LINGO2: variants seen among roughly 807,000 people sequenced by gnomAD.
LINGO2 encodes the protein leucine-rich repeat and immunoglobulin-like domain-containing nogo receptor-interacting protein 2.
A neutral mutation model predicts 30.6 loss-of-function variants in LINGO2; 14 were observed. The observed-to-expected ratio is 0.46, with a 90% CI of 0.30 to 0.72. LINGO2 has a LOEUF of 0.72. Ranked by LOEUF, LINGO2 falls within the 30% of genes least tolerant of loss-of-function variation. The pLI is 0.07. For synonymous variants in LINGO2, 317 were observed against 288.5 expected, an observed-to-expected ratio of 1.10 and a Z score of -1.00; for missense variants, 729 against 751.7, an observed-to-expected ratio of 0.97 and a Z score of 0.35.
intron 5 of LINGO2, among the ~76,000 whole-genome samples, chr9:28,006,328 A>G (rs927361412): frequency 9.3e-6 from 1 of 107,322 alleles, no homozygotes; most frequent in African/African-American, 3.7e-5. Flanking sequence ...ATCCTTACCT[A>G]AGATTAAAAA....
At chr9:28,901,963 G>A in the LINGO2 span, among the ~76,000 whole-genome samples, 1 of 152,076 alleles carries the variant, frequency 6.6e-6, no homozygotes, top group African/African-American at 2.4e-5. Context: ...GCCAAAGCAG[G>A]AGGATCACTT....
chr9:28,609,232 A>G (rs10118173), intron 1 of LINGO2, among the ~76,000 whole-genome samples: 148,150 of 151,014 alleles, frequency 0.98, 72,711 homozygotes, highest in East Asian at 1. Flanking sequence ...ATCTTTGGTT[A>G]GGTATGTCCT....
chr9:28,559,041 T>C (rs948835893), intron 1 of LINGO2, among the ~76,000 whole-genome samples: 3 of 152,132 alleles, frequency 2.0e-5, no homozygotes, highest in Admixed American at 6.6e-5. Context: ...AGGTCCACTA[T>C]TAAATATAAG....
chr9:27,969,691 T>C (rs1417402256), intron 5 of LINGO2, among the ~76,000 whole-genome samples: 2 of 151,922 alleles, frequency 1.3e-5, no homozygotes, highest in East Asian at 3.9e-4. Context: ...AAAGTCCTAG[T>C]TACTCTAGTA....
At chr9:28,966,230 T>C in the LINGO2 span, among the ~76,000 whole-genome samples, 2 of 152,052 alleles carry the variant, frequency 1.3e-5, no homozygotes, top group African/African-American at 4.8e-5. Flanking sequence ...AAAGCAGAGA[T>C]TAGAACAAAA....
rs371490425 is a variant in LINGO2 at position 28,067,030 on chromosome 9, C to T, written c.-86-54625G>A. Among the ~76,000 whole-genome samples the T allele has an allele frequency of 2.1e-4, 32 of 152,128 alleles. No individual in the cohort carries two copies. In the South Asian group the frequency reaches 5.2e-3, roughly 25 times the overall value. On this transcript the variant is annotated intron_variant, in intron 4 of 5. Coordinates refer to ENST00000379992, the Ensembl canonical transcript of LINGO2. Reference sequence around the variant, plus strand: ...ATAATTTAGGCCTCTCTACTCACCTCGTTATTTGCTTAATAAGTAATATCT... The same window carrying T: ...ATAATTTAGGCCTCTCTACTCACCTTGTTATTTGCTTAATAAGTAATATCT...
At chr9:28,786,017 A>T in the LINGO2 span, among the ~76,000 whole-genome samples, 3 of 152,212 alleles carry the variant, frequency 2.0e-5, no homozygotes, top group African/African-American at 7.2e-5. Flanking sequence ...TCTTACAAGA[A>T]TTCACAAATG....
intron 1 of LINGO2, among the ~76,000 whole-genome samples, chr9:28,622,052 G>A (rs1049153241): frequency 1.3e-5 from 2 of 151,974 alleles, no homozygotes; most frequent in Admixed American, 6.6e-5. Context: ...CTTACTAGGT[G>A]CATATATGTA....
the LINGO2 span, among the ~76,000 whole-genome samples, chr9:29,103,618 A>G: frequency 1.3e-5 from 2 of 152,180 alleles, no homozygotes; most frequent in African/African-American, 4.8e-5. Flanking sequence ...TAGAATCAAT[A>G]TGTGGAATAA....
At chr9:28,770,723 C>T in the LINGO2 span, among the ~76,000 whole-genome samples, 6 of 152,138 alleles carry the variant, frequency 3.9e-5, no homozygotes, top group East Asian at 1.2e-3. Flanking sequence ...CAAAAACACA[C>T]AGGTTAATAT....
the LINGO2 span, among the ~76,000 whole-genome samples, chr9:28,866,496 C>G: frequency 1.3e-5 from 2 of 152,028 alleles, no homozygotes. Flanking sequence ...AGCATAAACC[C>G]TATAATCAAT....
At chr9:27,964,091 CA>C (rs1177256427) in intron 5 of LINGO2, among the ~76,000 whole-genome samples, 1 of 151,966 alleles carries the variant, frequency 6.6e-6, no homozygotes, top group East Asian at 1.9e-4. Context: ...TCCTCCAAAC[CA>C]TTGCATTTTT....
intron 5 of LINGO2, among the ~76,000 whole-genome samples, chr9:28,007,608 C>A (rs1019720484): frequency 6.6e-6 from 1 of 152,100 alleles, no homozygotes; most frequent in African/African-American, 2.4e-5. Context: ...GATGCCCTGA[C>A]AAATAAAACA....
At chr9:28,207,409 CA>C (rs1467221944) in intron 4 of LINGO2, among the ~76,000 whole-genome samples, 3 of 152,112 alleles carry the variant, frequency 2.0e-5, no homozygotes, top group African/African-American at 7.2e-5. Context: ...GGATTTTAGA[CA>C]GGCTAATTAA....
At chr9:28,480,084 A>G (rs1253394018) in intron 1 of LINGO2, among the ~76,000 whole-genome samples, 1 of 150,948 alleles carries the variant, frequency 6.6e-6, no homozygotes. Context: ...ATTTACGTTT[A>G]CAAGGAGTTG....
At chr9:28,742,759 CTG>C in the LINGO2 span, among the ~76,000 whole-genome samples, 1 of 151,672 alleles carries the variant, frequency 6.6e-6, no homozygotes. Flanking sequence ...TTAACCTTTT[CTG>C]GTTCTCTTAG....
At chr9:28,218,205 AAAC>A (rs1315683877) in intron 4 of LINGO2, among the ~76,000 whole-genome samples, 14 of 150,838 alleles carry the variant, frequency 9.3e-5, no homozygotes, top group Middle Eastern at 6.5e-3. Context: ...AAATAATATC[AAAC>A]AATAATATAG....
At chr9:28,665,042 A>G (rs1283771219) in intron 1 of LINGO2, among the ~76,000 whole-genome samples, 1 of 107,826 alleles carries the variant, frequency 9.3e-6, no homozygotes, top group African/African-American at 2.8e-5. Flanking sequence ...TATATATGTT[A>G]TAAGCGAACA....
the LINGO2 span, among the ~76,000 whole-genome samples, chr9:28,810,745 A>C: frequency 6.6e-6 from 1 of 152,114 alleles, no homozygotes; most frequent in Non-Finnish European, 1.5e-5. Flanking sequence ...ATATTTACTG[A>C]TCTCTCAGTA....
Sources: allele counts gnomAD v4.1 joint callset (sites outside exome capture counted in the v4.1 genomes callset), GRCh38; gene constraint gnomAD v4.1.1; transcripts MANE v1.5; gene names NCBI Gene and HGNC (gene_info 2026-07-23, HGNC 2026-07-21).